The following PTPRD variants were observed in gnomAD, a reference collection of about 807,000 sequenced individuals.
The protein encoded by PTPRD is protein tyrosine phosphatase receptor type D.
In PTPRD, 34 loss-of-function variants were observed where a neutral mutation model predicts 214.5. The ratio of observed to expected loss-of-function variants is 0.16; its 90% CI spans 0.12 to 0.21. The LOEUF is 0.21. Among genes scored for constraint, PTPRD ranks in the 10% least tolerant of loss-of-function variants. The pLI is 1.00. For missense variants in PTPRD, 2,545 were observed against 2,398.7 expected (o/e 1.06, Z -1.27); for synonymous variants, 1,128 against 845.7 (o/e 1.33, Z -5.79).
chr9:9,677,552 AT>A (rs1222426569), intron 7 of PTPRD, among the ~76,000 whole-genome samples: 1 of 152,136 alleles, frequency 6.6e-6, no homozygotes, highest in Non-Finnish European at 1.5e-5. Flanking sequence ...TAAATTAGGT[AT>A]TGATGGGACG....
chr9:10,443,843 A>G (rs2098778929), intron 2 of PTPRD, among the ~76,000 whole-genome samples: 1 of 149,906 alleles, frequency 6.7e-6, no homozygotes, highest in African/African-American at 2.5e-5. Context: ...TTTACCTCAA[A>G]TTCACACACA....
intron 5 of PTPRD, among the ~76,000 whole-genome samples, chr9:9,936,213 C>A (rs1453567324): frequency 6.7e-6 from 1 of 148,320 alleles, no homozygotes; most frequent in African/African-American, 2.6e-5. Context: ...GCAACAAAAG[C>A]CAAAATTGAC....
intron 2 of PTPRD, among the ~76,000 whole-genome samples, chr9:10,547,029 A>AC (rs1274887618): frequency 6.6e-6 from 1 of 152,074 alleles, no homozygotes; most frequent in Non-Finnish European, 1.5e-5. Context: ...ATTAAGCCTC[A>AC]CCAAGACTCC....
chr9:9,876,174 C>A (rs2066809502), intron 5 of PTPRD, among the ~76,000 whole-genome samples: 1 of 152,002 alleles, frequency 6.6e-6, no homozygotes, highest in Admixed American at 6.6e-5. Flanking sequence ...AATGGTGAGT[C>A]AGGGAAGGGA....
intron 4 of PTPRD, among the ~76,000 whole-genome samples, chr9:9,951,204 G>T (rs1398343416): frequency 1.3e-5 from 2 of 152,084 alleles, no homozygotes; most frequent in Admixed American, 6.6e-5. Context: ...AACTGAATTA[G>T]AAGCTTTGAG....
chr9:9,208,605 G>C (rs1377575349), intron 9 of PTPRD, among the ~76,000 whole-genome samples: 1 of 151,858 alleles, frequency 6.6e-6, no homozygotes, highest in East Asian at 1.9e-4. Context: ...AAAATAAGGG[G>C]AACATACCAA....
intron 11 of PTPRD, among the ~76,000 whole-genome samples, chr9:8,848,507 T>A (rs1409243852): frequency 3.1e-4 from 14 of 45,008 alleles, no homozygotes; most frequent in African/African-American, 1.9e-3. Flanking sequence ...GGCAAATATT[T>A]TTTTTTTTTT....
chr9:8,434,985 T>C (rs1409639731), intron 35 of PTPRD, among the ~76,000 whole-genome samples: 3 of 152,174 alleles, frequency 2.0e-5, no homozygotes, highest in Admixed American at 6.5e-5. Flanking sequence ...TTTCCTAGCA[T>C]TGAAAATGTT....
At chr9:9,254,612 A>G (rs911445863) in intron 9 of PTPRD, among the ~76,000 whole-genome samples, 2 of 152,082 alleles carry the variant, frequency 1.3e-5, no homozygotes, top group Admixed American at 1.3e-4. Context: ...AAGAATCCCA[A>G]AGATGAAGAT....
intron 12 of PTPRD, among the ~76,000 whole-genome samples, chr9:8,705,215 G>C (rs900814895): frequency 1.3e-5 from 2 of 151,966 alleles, no homozygotes. Context: ...CTAAATTTTT[G>C]TTGTTGTTAC....
intron 7 of PTPRD, among the ~76,000 whole-genome samples, chr9:9,689,107 C>A (rs917574012): frequency 3.3e-5 from 5 of 151,876 alleles, no homozygotes; most frequent in African/African-American, 9.6e-5. Context: ...GTGTTTTTAT[C>A]CTTTTCTGTT....
chr9:8,574,370 T>G (rs1381196331), intron 14 of PTPRD, among the ~76,000 whole-genome samples: 1 of 152,012 alleles, frequency 6.6e-6, no homozygotes, highest in Non-Finnish European at 1.5e-5. Context: ...TATTGTCCTC[T>G]GATAAAAACA....
intron 14 of PTPRD, among the ~76,000 whole-genome samples, chr9:8,566,270 C>T (rs2089142896): frequency 6.6e-6 from 1 of 152,012 alleles, no homozygotes; most frequent in African/African-American, 2.4e-5. Flanking sequence ...TGTATTTCTA[C>T]TTCAAGAAGA....
At chr9:10,508,253 C>T (rs987374738) in intron 2 of PTPRD, among the ~76,000 whole-genome samples, 9 of 152,138 alleles carry the variant, frequency 5.9e-5, no homozygotes, top group African/African-American at 9.7e-5. Context: ...GAGATACCAT[C>T]TCACACCAGT....
intron 3 of PTPRD, among the ~76,000 whole-genome samples, chr9:10,057,109 G>A (rs2097666669): frequency 6.6e-6 from 1 of 152,220 alleles, no homozygotes; most frequent in South Asian, 2.1e-4. Flanking sequence ...TCTAACCTTG[G>A]ATGGTTCTCC....
intron 9 of PTPRD, among the ~76,000 whole-genome samples, chr9:9,288,757 T>C (rs1950267854): frequency 6.6e-6 from 1 of 151,856 alleles, no homozygotes; most frequent in Non-Finnish European, 1.5e-5. Flanking sequence ...TCCCATAATC[T>C]CTACGTGTCA....
chr9:8,990,370 T>C (rs1252714942), intron 11 of PTPRD, among the ~76,000 whole-genome samples: 1 of 152,174 alleles, frequency 6.6e-6, no homozygotes, highest in Non-Finnish European at 1.5e-5. Context: ...TATGTGCATC[T>C]GCTTGTACCG....
At chr9:10,094,945 G>T (rs1487325683) in intron 3 of PTPRD, among the ~76,000 whole-genome samples, 2 of 151,284 alleles carry the variant, frequency 1.3e-5, no homozygotes, top group African/African-American at 2.4e-5. Context: ...TCACATAAAG[G>T]TTTCTCACAC....
chr9:10,525,498 C>T (rs566842016), intron 2 of PTPRD, among the ~76,000 whole-genome samples: 8 of 152,138 alleles, frequency 5.3e-5, no homozygotes, highest in Non-Finnish European at 8.8e-5. Context: ...AGGGCACAAC[C>T]TAAACAACTG....
Sources: allele counts gnomAD v4.1 joint callset (sites outside exome capture counted in the v4.1 genomes callset), GRCh38; gene constraint gnomAD v4.1.1; transcripts MANE v1.5; gene names NCBI Gene and HGNC (gene_info 2026-07-23, HGNC 2026-07-21).